Variants in NCOA6 observed in about 807,000 individuals in gnomAD.
NCOA6 encodes the protein nuclear receptor coactivator 6.
Under a neutral mutation model 171.4 loss-of-function variants are expected in NCOA6, and 49 were observed. The ratio of observed to expected loss-of-function variants is 0.29; its 90% confidence interval spans 0.23 to 0.36. The LOEUF (loss-of-function observed/expected upper bound fraction) is 0.36, where lower values mean the gene tolerates loss of function less well. Ranked by LOEUF, NCOA6 falls within the 10% of genes least tolerant of loss-of-function variation. The pLI, the probability that NCOA6 is intolerant of heterozygous loss-of-function variation, is 1.00. For synonymous variants in NCOA6, 910 were observed against 927.5 expected (o/e 0.98, Z 0.34); for missense variants, 2,248 against 2,554.5 (o/e 0.88, Z 2.59).
chr20:34,726,129 A>T (rs1487142511), intron 14 of NCOA6, among the ~76,000 whole-genome samples: 1 of 152,152 alleles, frequency 6.6e-6, no homozygotes, highest in African/African-American at 2.4e-5. Flanking sequence ...CCAAGGGAAA[A>T]GTTAATTTAA....
rs534434964 is a variant in NCOA6 at position 34,749,829 on chromosome 20, C to T, written c.2366G>A (p.Arg789Gln). 6.2e-6 allele frequency: 10 copies of T among 1,614,122 alleles called. No homozygotes were observed. The Middle Eastern group carries it at 4.9e-4, about 80-fold the overall frequency. ...CATGTGTGGGCTGGGCCCTGGTGGC[C>T]GCAGGACCTGTCCCTGAATGCCCAT... ...QVMGIQGQVLRPPGPSPHMAQ... is the reference protein window; with the variant it reads ...QVMGIQGQVLQPPGPSPHMAQ... The change falls in exon 9 of 15, where the codon CGG (arginine) becomes CAG (glutamine). Residue 789 changes from arginine to glutamine, a missense_variant. This residue lies in a region of NCOA6 where 987 missense variants were observed against 1,104.7 expected (regional missense o/e 0.89). Transcript: ENST00000359003.
In NCOA6 at chr20:34,741,498, G is replaced by A; in HGVS notation, c.4758C>T (p.Ser1586=). The change falls in exon 11 of 15, where the codon TCC becomes TCT. Residue 1586 remains serine (S), a synonymous_variant. Coordinates refer to ENST00000359003, the MANE Select transcript of NCOA6 (RefSeq NM_014071.5). ...PPVMSRPVSS[S]SISTPLPPNQ... ...TTGGGGGCAAGGGAGTGGAAATGGA[G>A]GAAGAGCTAACAGGTCTTGACATTA... The A allele has an allele frequency of 6.2e-7, 1 of 1,614,198 alleles. No homozygotes were observed. Among genetic ancestry groups the A allele is most frequent in the Non-Finnish European group, 8.5e-7 (1 of 1,180,044 alleles).
chr20:34,729,243 G>A (rs555190921), intron 13 of NCOA6, among the ~76,000 whole-genome samples: 8 of 152,156 alleles, frequency 5.3e-5, no homozygotes, highest in Non-Finnish European at 8.8e-5. Flanking sequence ...GAGCCACAAC[G>A]CCCAGCCCTA....
At chr20:34,779,836 G>A (rs1200616263) in intron 3 of NCOA6, among the ~76,000 whole-genome samples, 1 of 150,748 alleles carries the variant, frequency 6.6e-6, no homozygotes. Context: ...TTCTAATGTG[G>A]AAAAAAAAAC....
intron 7 of NCOA6, among the ~76,000 whole-genome samples, chr20:34,756,681 A>G (rs2076650055): frequency 6.6e-6 from 1 of 152,220 alleles, no homozygotes; most frequent in African/African-American, 2.4e-5. Context: ...CTCTCTAAGG[A>G]GCAGGCATTG....
chr20:34,793,969 AAAG>A (rs920672291), intron 1 of NCOA6, among the ~76,000 whole-genome samples: 29 of 152,344 alleles, frequency 1.9e-4, no homozygotes, highest in African/African-American at 6.7e-4. Context: ...CCCTCACACA[AAAG>A]AAGCAAAAAA....
intron 1 of NCOA6, among the ~76,000 whole-genome samples, chr20:34,800,750 A>AATAC (rs1442473407): frequency 1.2e-4 from 19 of 152,198 alleles, no homozygotes; most frequent in African/African-American, 3.4e-4. Context: ...GACAGACCCC[A>AATAC]ATACAGTAAG....
intron 5 of NCOA6, among the ~76,000 whole-genome samples, chr20:34,762,960 TGCTGCTGTTGA>T (rs2076861866): frequency 6.6e-6 from 1 of 152,202 alleles, no homozygotes; most frequent in African/African-American, 2.4e-5. Context: ...TGGCCTCCAA[TGCTGCTGTTGA>T]GAAATCAAGA....
chr20:34,813,393 G>A (rs952564351), intron 1 of NCOA6, among the ~76,000 whole-genome samples: 1 of 151,694 alleles, frequency 6.6e-6, no homozygotes, highest in Non-Finnish European at 1.5e-5. Context: ...TTGAACCCAC[G>A]GGGCAGAGGC....
At chr20:34,769,214 G>A (rs899823343) in intron 4 of NCOA6, among the ~76,000 whole-genome samples, 2 of 152,092 alleles carry the variant, frequency 1.3e-5, no homozygotes, top group Admixed American at 6.5e-5. Context: ...TTTCTGAGAT[G>A]GGGTCTCACT....
Position 34,749,679 on chromosome 20 carries a change from T to C in NCOA6, c.2516A>G (p.Asn839Ser). 6.2e-7 allele frequency: 1 copy of C among 1,614,192 alleles called. No homozygotes were observed. Among genetic ancestry groups the C allele is most frequent in the Non-Finnish European group, 8.5e-7 (1 of 1,180,014 alleles). Reference protein sequence around the residue: ...VPPHVQAMQGNSASGNHFSGH... With the variant: ...VPPHVQAMQGSSASGNHFSGH... Reference sequence around the variant, plus strand: ...TGAGAAGTGGTTTCCCGAGGCACTGTTTCCCTGCATGGCCTGCACATGAGG... The same window carrying C: ...TGAGAAGTGGTTTCCCGAGGCACTGCTTCCCTGCATGGCCTGCACATGAGG... The change falls in exon 9 of 15, where the codon AAC (asparagine) becomes AGC (serine). Residue 839 changes from asparagine to serine, a missense_variant. Around this residue, in one of 7 missense-constraint regions of NCOA6, gnomAD observed 987 missense variants for 1,104.7 expected, o/e 0.89. Coordinates refer to ENST00000359003, the MANE Select transcript of NCOA6 (RefSeq NM_014071.5).
chr20:34,732,272 T>C (rs2075809102), intron 13 of NCOA6, among the ~76,000 whole-genome samples: 1 of 152,198 alleles, frequency 6.6e-6, no homozygotes, highest in African/African-American at 2.4e-5. Flanking sequence ...ACAGCTCCCA[T>C]ATATTGAACA....
chr20:34,758,586 A>C (rs959454627), intron 6 of NCOA6, among the ~76,000 whole-genome samples: 1 of 152,218 alleles, frequency 6.6e-6, no homozygotes, highest in African/African-American at 2.4e-5. Context: ...GCCAAGGCAC[A>C]CTTTTAGAAA....
chr20:34,794,460 A>G (rs748753703), intron 1 of NCOA6, among the ~76,000 whole-genome samples: 5 of 152,198 alleles, frequency 3.3e-5, no homozygotes, highest in African/African-American at 7.2e-5. Context: ...GATGTCCATC[A>G]ATGGGACTGA....
rs778525103 is a variant in NCOA6 at position 34,742,399 on chromosome 20, G to A, written c.3857C>T (p.Ala1286Val). 18 of 1,614,112 alleles carry A rather than the reference G, an allele frequency of 1.1e-5. No individual in the cohort carries two copies. Among genetic ancestry groups the A allele is most frequent in the Non-Finnish European group, 1.5e-5 (18 of 1,180,046 alleles). Residue 1286 changes from alanine (A) to valine (V), a missense_variant, in exon 11 of 15, where the codon GCA becomes GTA. Coordinates refer to ENST00000359003, the MANE Select transcript of NCOA6 (RefSeq NM_014071.5). ...AGGATTCATGGTAAGATTTGAAGGT[G>A]CTTGCCCGATGGCCTTCAAAGTTGT... ...NPTTLKAIGQAPSNLTMNPSN... is the reference protein window; with the variant it reads ...NPTTLKAIGQVPSNLTMNPSN...
intron 13 of NCOA6, among the ~76,000 whole-genome samples, chr20:34,728,193 G>T (rs1045563011): frequency 2.0e-5 from 3 of 152,094 alleles, no homozygotes; most frequent in African/African-American, 7.2e-5. Flanking sequence ...ATTTACTAAT[G>T]ATCCCGGTAG....
rs1346512217 is a variant in NCOA6, at chr20:34,742,446, A to C, written c.3810T>G (p.Phe1270Leu). 6.2e-7 allele frequency: 1 copy of C among 1,614,250 alleles called. No homozygotes were observed. Residue 1270 changes from phenylalanine to leucine, a missense_variant, in exon 11 of 15, where the codon TTT becomes TTG. Phe to Leu is a conservative substitution (Grantham distance 22). This residue lies in a region of NCOA6 where 14 missense variants were observed against 17.6 expected (regional missense o/e 0.80). Transcript: ENST00000359003. ...LPPRPNLNRG[F>L]DQQGLNPTTL... ...TTGTTGGATTTAGGCCTTGTTGATC[A>C]AAGCCCCTGTTTAAATTTGGCCTAG... is the stretch of plus-strand genomic sequence containing the variant.
In NCOA6 at chr20:34,740,892, C is replaced by T; in HGVS notation, c.5364G>A (p.Gln1788=). The change falls in exon 11 of 15, where the codon CAG becomes CAA. Residue 1788 remains glutamine (Q), a synonymous_variant. Coordinates refer to ENST00000359003, the MANE Select transcript of NCOA6 (RefSeq NM_014071.5). ...AAAGGGGAGAAACCATTGTGGTTGA[C>T]TGTGAAGAGGGAAGAGTGTTCTGAT... ...SADQNTLPSS[Q]STTMVSPLLT... 6.2e-7 allele frequency: 1 copy of T among 1,614,224 alleles called. No homozygotes were observed. Among genetic ancestry groups the T allele is most frequent in the Non-Finnish European group, 8.5e-7 (1 of 1,180,048 alleles).
intron 4 of NCOA6, among the ~76,000 whole-genome samples, chr20:34,771,917 C>T (rs928901170): frequency 1.3e-5 from 2 of 152,214 alleles, no homozygotes; most frequent in Non-Finnish European, 2.9e-5. Flanking sequence ...TTCACTCACT[C>T]GTTTTCTTGC....
Sources: gnomAD v4.1 joint callset for allele counts (sites outside exome capture counted in the v4.1 genomes callset) on GRCh38, gnomAD v4.1.1 for gene constraint, gnomAD v4.1.1 regional missense constraint, MANE v1.5 for transcripts, NCBI Gene and HGNC (gene_info 2026-07-23, HGNC 2026-07-21) for gene names.